Variants in RBFOX1 observed in about 807,000 individuals in gnomAD.
RBFOX1 encodes the protein RNA binding fox-1 homolog 1, also known as RNA binding protein fox-1 homolog 1.
RBFOX1 carries 8 observed loss-of-function variants against 57.7 expected under a neutral mutation model. The ratio of observed to expected loss-of-function variants is 0.14; its 90% confidence interval spans 0.08 to 0.25. The LOEUF is 0.25. Among genes scored for constraint, RBFOX1 ranks in the 10% least tolerant of loss-of-function variants. The probability of loss-of-function intolerance (pLI) is 1.00; values close to 1 mark genes in which losing one functional copy is unlikely to be tolerated. For missense variants in RBFOX1, 611 were observed against 548.5 expected (o/e 1.11, Z -1.14); for synonymous variants, 326 against 222.4 (o/e 1.47, Z -4.15).
chr16:6,591,554 C>G lies in RBFOX1; in HGVS notation c.-63-63049C>G, dbSNP rs533501498. ...ACCCCTGCCTGAGTTCCTGGTAGAG[C>G]TGGGAGAGGAGACCATTTATGCACT... On this transcript the variant is annotated intron_variant, in intron 2 of 15. Transcript: ENST00000550418. 8.5e-4 allele frequency among the ~76,000 whole-genome samples: 129 copies of G among 152,284 alleles called. 1 individual carries two copies. The highest frequency in any genetic ancestry group is 2.8e-3 in the African/African-American group (118 of 41,562).
chr16:7,159,426 T>C (rs2077823994), intron 4 of RBFOX1, among the ~76,000 whole-genome samples: 1 of 152,110 alleles, frequency 6.6e-6, no homozygotes, highest in African/African-American at 2.4e-5. Context: ...GATTAGCATC[T>C]ATGTCACTCT....
chr16:6,361,209 C>G (rs762032916), intron 2 of RBFOX1, among the ~76,000 whole-genome samples: 3 of 151,972 alleles, frequency 2.0e-5, no homozygotes, highest in African/African-American at 7.3e-5. Context: ...GACCCAGTGT[C>G]GAGGAGAAGA....
intron 6 of RBFOX1, among the ~76,000 whole-genome samples, chr16:7,583,059 T>A (rs899756935): frequency 1.3e-5 from 2 of 152,204 alleles, no homozygotes; most frequent in African/African-American, 4.8e-5. Context: ...GAATCCTGAT[T>A]ACCTTTTCCA....
At chr16:6,656,918 C>CTCAAT (rs2098659249) in intron 3 of RBFOX1, among the ~76,000 whole-genome samples, 3 of 144,736 alleles carry the variant, frequency 2.1e-5, no homozygotes, top group African/African-American at 7.8e-5. Flanking sequence ...CTCTCCTCCC[C>CTCAAT]TCTCCTCTCC....
At chr16:5,291,682 G>C (rs1309862716) in intron 1 of RBFOX1, among the ~76,000 whole-genome samples, 1 of 152,198 alleles carries the variant, frequency 6.6e-6, no homozygotes, top group African/African-American at 2.4e-5. Flanking sequence ...TTGTCACAGG[G>C]CCAGGGGAAA....
intron 4 of RBFOX1, among the ~76,000 whole-genome samples, chr16:5,874,851 G>A (rs1449785958): frequency 2.0e-5 from 3 of 152,182 alleles, no homozygotes; most frequent in South Asian, 2.1e-4. Context: ...AGGCTGAGAC[G>A]GGAGGATCAC....
At chr16:6,690,270 T>A (rs186432182) in intron 3 of RBFOX1, among the ~76,000 whole-genome samples, 6 of 152,240 alleles carry the variant, frequency 3.9e-5, no homozygotes, top group Admixed American at 3.9e-4. Flanking sequence ...ATTGGAATAC[T>A]AGGATGTGGA....
At chr16:7,144,073 G>T (rs2074399489) in intron 4 of RBFOX1, among the ~76,000 whole-genome samples, 1 of 152,160 alleles carries the variant, frequency 6.6e-6, no homozygotes, top group South Asian at 2.1e-4. Context: ...GTGTCTGTAG[G>T]CTTTTTCCCT....
intron 1 of RBFOX1, among the ~76,000 whole-genome samples, chr16:5,316,817 T>G (rs960639272): frequency 2.0e-5 from 3 of 152,162 alleles, no homozygotes; most frequent in African/African-American, 4.8e-5. Flanking sequence ...CAGGTGCATC[T>G]CTGAGGGTGT....
At chr16:5,721,301 A>G (rs941872057) in intron 3 of RBFOX1, among the ~76,000 whole-genome samples, 2 of 152,200 alleles carry the variant, frequency 1.3e-5, no homozygotes, top group Non-Finnish European at 2.9e-5. Context: ...TTAATCTTAT[A>G]TCCTGCTACT....
At chr16:5,715,477 A>T (rs546453669) in intron 3 of RBFOX1, among the ~76,000 whole-genome samples, 1 of 152,242 alleles carries the variant, frequency 6.6e-6, no homozygotes, top group African/African-American at 2.4e-5. Context: ...GGAGATACAC[A>T]TACATCATGA....
chr16:5,976,630 A>T (rs1056184362), intron 4 of RBFOX1, among the ~76,000 whole-genome samples: 2 of 152,142 alleles, frequency 1.3e-5, no homozygotes, highest in African/African-American at 4.8e-5. Flanking sequence ...GGACTTTGGG[A>T]GGCCGAGGTA....
intron 1 of RBFOX1, among the ~76,000 whole-genome samples, chr16:6,264,993 C>T (rs775519715): frequency 6.6e-6 from 1 of 152,158 alleles, no homozygotes; most frequent in Non-Finnish European, 1.5e-5. Context: ...CACCCAACCT[C>T]GTCCTGCCTC....
intron 4 of RBFOX1, among the ~76,000 whole-genome samples, chr16:6,003,589 A>G (rs1277807211): frequency 6.6e-6 from 1 of 151,898 alleles, no homozygotes; most frequent in African/African-American, 2.4e-5. Flanking sequence ...CTTTTTAAAT[A>G]CAGCGACAGC....
intron 3 of RBFOX1, among the ~76,000 whole-genome samples, chr16:6,897,262 A>G (rs185907726): frequency 1.3e-5 from 2 of 152,330 alleles, no homozygotes; most frequent in East Asian, 3.9e-4. Context: ...TCTTTACTAA[A>G]AATACAAAAA....
chr16:6,490,286 C>T lies in RBFOX1; in HGVS notation c.-63-164317C>T, dbSNP rs530611405. On this transcript the variant is annotated intron_variant, in intron 2 of 15. Coordinates refer to ENST00000550418, the MANE Select transcript of RBFOX1 (RefSeq NM_018723.4). ...TTGCAAGTACGCAATTAAATACATA[C>T]CAGAATATCCAGAAAACCAAGACAG... Among the ~76,000 whole-genome samples, 24 of 152,292 alleles carry T rather than the reference C, an allele frequency of 1.6e-4. No homozygotes were observed. The South Asian group carries it at 3.7e-3, about 24-fold the overall frequency.
At chr16:6,950,546 C>T (rs1341869052) in intron 3 of RBFOX1, among the ~76,000 whole-genome samples, 1 of 152,134 alleles carries the variant, frequency 6.6e-6, no homozygotes, top group Non-Finnish European at 1.5e-5. Context: ...TATTTCCAGG[C>T]TTAGAAATGA....
At chr16:6,027,448 C>G (rs1326042278) in intron 1 of RBFOX1, among the ~76,000 whole-genome samples, 1 of 152,172 alleles carries the variant, frequency 6.6e-6, no homozygotes, top group Non-Finnish European at 1.5e-5. Flanking sequence ...ATTCCAGAAT[C>G]AGTGTGTCTG....
intron 1 of RBFOX1, among the ~76,000 whole-genome samples, chr16:6,170,195 G>A (rs2096949673): frequency 6.6e-6 from 1 of 152,192 alleles, no homozygotes; most frequent in Admixed American, 6.5e-5. Context: ...AGGGTATCAT[G>A]AAGAGGTTGA....
Sources: gnomAD v4.1 joint callset for allele counts (sites outside exome capture counted in the v4.1 genomes callset) on GRCh38, gnomAD v4.1.1 for gene constraint, MANE v1.5 for transcripts, NCBI Gene and HGNC (gene_info 2026-07-23, HGNC 2026-07-21) for gene names.